The following IL13 variants were observed in gnomAD, a reference collection of about 807,000 sequenced individuals.
IL13 encodes interleukin-13.
In IL13, 9 loss-of-function variants were observed where a neutral mutation model predicts 11.1. That is an observed-to-expected ratio of 0.81 (90% confidence interval 0.49 to 1.42). The LOEUF is 1.42. IL13 is among the 40% of genes most tolerant of loss of function. The pLI is 0.00. For missense variants in IL13, 181 were observed against 182.5 expected (o/e 0.99, Z 0.05); for synonymous variants, 75 against 76.9 (o/e 0.97, Z 0.13).
chr5:132,658,302 C>A lies in IL13; in HGVS notation c.116C>A (p.Pro39His), dbSNP rs866145689. Residue 39 changes from proline to histidine, a missense_variant, in exon 1 of 4, where the codon CCC (proline) becomes CAC (histidine). By Grantham distance (77) the Pro-to-His change is moderately conservative. Transcript: ENST00000304506. ...TTTGCCTCCCCAGGCCCTGTGCCTC[C>A]CTCTACAGCCCTCAGGGAGCTCATT... ...GGFASPGPVP[P>H]STALRELIEE... The A allele has an allele frequency of 6.2e-7, 1 of 1,610,716 alleles. No individual in the cohort carries two copies. The highest frequency in any genetic ancestry group is 1.3e-5 in the African/African-American group (1 of 74,854).
At chr5:132,658,135 T>G, upstream of IL13, 1 of 1,069,562 alleles carries the variant, frequency 9.3e-7, no homozygotes, top group Non-Finnish European at 1.4e-6. Context: ...GCGTCACCAC[T>G]TGGGCCTATA....
intron 1 of IL13, chr5:132,658,896 G>A (rs777254230): frequency 2.5e-4 from 43 of 172,538 alleles, no homozygotes; most frequent in Middle Eastern, 3.0e-3. Flanking sequence ...AGGCAGGTAC[G>A]ATGAACCCAT....
rs192565440 is a variant in IL13, at chr5:132,659,121, C to G, written c.175-297C>G. ...CACTCGTCCCCACCCTGGCCCTTCC[C>G]GCAGGCCCCTGTCCTCCTGCCCTGA... On this transcript the variant is annotated intron_variant, in intron 1 of 3. Coordinates refer to ENST00000304506, the MANE Select transcript of IL13 (RefSeq NM_002188.3). This position sits in a 1 kb window ranked among gnomAD's most constrained non-coding sequence, Gnocchi z 4.1. 1 of 401,642 alleles carries G rather than the reference C, an allele frequency of 2.5e-6. No homozygotes were observed. Among genetic ancestry groups the G allele is most frequent in the Non-Finnish European group, 4.7e-6 (1 of 212,578 alleles). The allele number at this position is 401,642 out of a possible 1,614,324, so 24.9% of individuals were successfully genotyped here.
rs765294353 is a variant in IL13, at chr5:132,660,160, C to T, written c.334-15C>T. On this transcript the variant is annotated splice_polypyrimidine_tract_variant and intron_variant, in intron 3 of 3. Transcript: ENST00000304506. ...TCTGGCGTTCTACTCATGTGCTGAC[C>T]TCTTTGTCCTGCAGCAGTTTTCCAG... 20 of 1,613,146 alleles carry T rather than the reference C, an allele frequency of 1.2e-5. No individual in the cohort carries two copies. In the South Asian group the frequency reaches 2.2e-4, roughly 18 times the overall value.
Position 132,659,713 on chromosome 5 carries a change from C to T in IL13, c.229-11C>T. ...AGCAGGGCCTGACCCCTCGGTGTCC[C>T]CTCCCCACAGTACTGTGCAGCCCTG... On this transcript the variant is annotated splice_polypyrimidine_tract_variant and intron_variant, in intron 2 of 3. Transcript: ENST00000304506. This position sits in a 1 kb window ranked among gnomAD's most constrained non-coding sequence, Gnocchi z 4.1. The T allele has an allele frequency of 1.7e-5, 27 of 1,613,210 alleles. No individual in the cohort carries two copies. Among genetic ancestry groups the T allele is most frequent in the Non-Finnish European group, 2.3e-5 (27 of 1,179,566 alleles).
At position 132,659,450 on chromosome 5, in the gene IL13, C is replaced by G. The variant is rs1752105152; in HGVS notation, c.207C>G (p.Ser69Arg). Residue 69 changes from serine (S) to arginine (R), a missense_variant, in exon 2 of 4, where the codon AGC becomes AGG. By Grantham distance (110) the Ser-to-Arg change is moderately radical. Transcript: ENST00000304506. The surrounding 1 kb of genome is among the most constrained non-coding windows in gnomAD (Gnocchi z 4.1). ...TCTGCAATGGCAGCATGGTATGGAG[C>G]ATCAACCTGACAGCTGGCATGGTAA... The part of the protein sequence containing the change: ...APLCNGSMVW[S>R]INLTAGMYCA... 6.2e-7 allele frequency: 1 copy of G among 1,611,828 alleles called. No individual in the cohort carries two copies. The highest frequency in any genetic ancestry group is 1.1e-5 in the South Asian group (1 of 90,564).
upstream of IL13, among the ~76,000 whole-genome samples, chr5:132,657,780 A>C (rs1196414711): frequency 6.6e-6 from 1 of 152,260 alleles, no homozygotes; most frequent in African/African-American, 2.4e-5. Context: ...TCACAGCCAC[A>C]GTGCACTAAG....
upstream of IL13, among the ~76,000 whole-genome samples, chr5:132,657,484 C>T (rs149852100): frequency 1.3e-5 from 2 of 152,056 alleles, no homozygotes; most frequent in East Asian, 3.9e-4. Context: ...AGTGAGACCC[C>T]ATCTCCAAAA....
Position 132,658,308 on chromosome 5 carries a change from C to A in IL13, c.122C>A (p.Thr41Lys). The change falls in exon 1 of 4, where the codon ACA (threonine) becomes AAA (lysine). Residue 41 changes from threonine to lysine, a missense_variant. Coordinates refer to ENST00000304506, the MANE Select transcript of IL13 (RefSeq NM_002188.3). The part of the protein sequence containing the change: ...FASPGPVPPS[T>K]ALRELIEELV... ...TCCCCAGGCCCTGTGCCTCCCTCTA[C>A]AGCCCTCAGGGAGCTCATTGAGGAG... The A allele has an allele frequency of 1.9e-6, 3 of 1,611,058 alleles. No individual in the cohort carries two copies. The highest frequency in any genetic ancestry group is 2.5e-6 in the Non-Finnish European group (3 of 1,177,204).
In IL13 at chr5:132,658,239, T is replaced by C; in HGVS notation, c.53T>C (p.Leu18Ser). The C allele has an allele frequency of 6.2e-7, 1 of 1,612,120 alleles. No homozygotes were observed. Among genetic ancestry groups the C allele is most frequent in the Non-Finnish European group, 8.5e-7 (1 of 1,178,178 alleles). Residue 18 changes from leucine to serine, a missense_variant, in exon 1 of 4, where the codon TTG (leucine) becomes TCG (serine). Physicochemically the swap from Leu to Ser is moderately radical, Grantham distance 145. Transcript: ENST00000304506. The part of the protein sequence containing the change: ...LLLALGLMAL[L>S]LTTVIALTCL... ...TTGGCACTGGGCCTCATGGCGCTTT[T>C]GTTGACCACGGTCATTGCTCTCACT...
In IL13 at chr5:132,659,129, CCT is replaced by C. The variant is rs1752096631; in HGVS notation, c.175-288_175-287del. 3 of 417,278 alleles carry C rather than the reference CCT, an allele frequency of 7.2e-6. No homozygotes were observed. In the South Asian group the frequency reaches 7.4e-5, roughly 10 times the overall value. 25.8% of individuals were successfully genotyped at this position (417,278 alleles called of 1,614,324 possible). A position where few individuals can be genotyped will look rare whatever the true frequency, so the allele number is the denominator to read the frequency against. ...CCCACCCTGGCCCTTCCCGCAGGCCCCTGTCCTCCTGCCCTGACTATGGCAAG... is the reference window on the plus strand; with the variant it reads ...CCCACCCTGGCCCTTCCCGCAGGCCCGTCCTCCTGCCCTGACTATGGCAAG... On this transcript the variant is annotated intron_variant, in intron 1 of 3. Coordinates refer to ENST00000304506, the MANE Select transcript of IL13 (RefSeq NM_002188.3). The surrounding 1 kb of genome is among the most constrained non-coding windows in gnomAD (Gnocchi z 4.1).
At chr5:132,658,526 G>A (rs1277673912) in intron 1 of IL13, 166 bp downstream of exon 1, 1 of 570,228 alleles carries the variant, frequency 1.8e-6, no homozygotes, top group South Asian at 2.3e-5. Flanking sequence ...GAGCTGGGCT[G>A]GGGGGCTCAG....
rs778748365 is a variant in IL13 at position 132,659,681 on chromosome 5, C to T, written c.229-43C>T. 24 of 1,604,856 alleles carry T rather than the reference C, an allele frequency of 1.5e-5. No homozygotes were observed. The Admixed American group carries it at 2.7e-4, about 18-fold the overall frequency. Reference sequence around the variant, plus strand: ...CTTCCTGCAGACTCACAAAAGGCAGCTGCCCAAGCAGGGCCTGACCCCTCG... The same window carrying T: ...CTTCCTGCAGACTCACAAAAGGCAGTTGCCCAAGCAGGGCCTGACCCCTCG... On this transcript the variant is annotated intron_variant, in intron 2 of 3. Coordinates refer to ENST00000304506, the MANE Select transcript of IL13 (RefSeq NM_002188.3). This position sits in a 1 kb window ranked among gnomAD's most constrained non-coding sequence, Gnocchi z 4.1.
In IL13 at chr5:132,659,557, G is replaced by A; in HGVS notation, c.228+86G>A. On this transcript the variant is annotated intron_variant, in intron 2 of 3. Transcript: ENST00000304506. The surrounding 1 kb of genome is among the most constrained non-coding windows in gnomAD (Gnocchi z 4.1). Reference sequence around the variant, plus strand: ...TCTGAGCCTCCCTTCCATGGCTGGGGTTCCAAGCAAGCTTCAAGTGCTCTC... The same window carrying A: ...TCTGAGCCTCCCTTCCATGGCTGGGATTCCAAGCAAGCTTCAAGTGCTCTC... 6.4e-7 allele frequency: 1 copy of A among 1,559,472 alleles called. No homozygotes were observed. Among genetic ancestry groups the A allele is most frequent in the South Asian group, 1.1e-5 (1 of 87,226 alleles).
chr5:132,659,913 C>T lies in IL13; in HGVS notation c.333+85C>T. ...CGCTGAAGGGAAGCTGGCTGAATAT[C>T]CATGGTGTGTGTCCACCCAGGGGTG... On this transcript the variant is annotated intron_variant, in intron 3 of 3. Coordinates refer to ENST00000304506, the MANE Select transcript of IL13 (RefSeq NM_002188.3). The surrounding 1 kb of genome is among the most constrained non-coding windows in gnomAD (Gnocchi z 4.1). 1 of 1,548,636 alleles carries T rather than the reference C, an allele frequency of 6.5e-7. No individual in the cohort carries two copies. Among genetic ancestry groups the T allele is most frequent in the Non-Finnish European group, 8.7e-7 (1 of 1,147,952 alleles).
intron 1 of IL13, 136 bp downstream of exon 1, chr5:132,658,496 C>T: frequency 1.7e-6 from 1 of 586,100 alleles, no homozygotes. Flanking sequence ...CAAGGCCCGG[C>T]CCAGCCATGA....
At position 132,659,767 on chromosome 5, in the gene IL13, G is replaced by A; in HGVS notation, c.272G>A (p.Ser91Asn). The change falls in exon 3 of 4, where the codon AGT becomes AAT. Residue 91 changes from serine to asparagine, a missense_variant. By Grantham distance (46) the Ser-to-Asn change is conservative. Coordinates refer to ENST00000304506, the MANE Select transcript of IL13 (RefSeq NM_002188.3). The surrounding 1 kb of genome is among the most constrained non-coding windows in gnomAD (Gnocchi z 4.1). ...TCCCTGATCAACGTGTCAGGCTGCAGTGCCATCGAGAAGACCCAGAGGATG... is the reference window on the plus strand; with the variant it reads ...TCCCTGATCAACGTGTCAGGCTGCAATGCCATCGAGAAGACCCAGAGGATG... ...LESLINVSGC[S>N]AIEKTQRMLS... 6.2e-7 allele frequency: 1 copy of A among 1,613,998 alleles called. No individual in the cohort carries two copies. Among genetic ancestry groups the A allele is most frequent in the South Asian group, 1.1e-5 (1 of 91,068 alleles).
upstream of IL13, among the ~76,000 whole-genome samples, chr5:132,657,860 C>A (rs1198359540): frequency 6.6e-6 from 1 of 152,126 alleles, no homozygotes; most frequent in Non-Finnish European, 1.5e-5. Context: ...GGTCAGCTGT[C>A]CAGGTACTCA....
At chr5:132,657,760 T>C (rs2069756), upstream of IL13, among the ~76,000 whole-genome samples, 70 of 152,362 alleles carry the variant, frequency 4.6e-4, no homozygotes, top group Non-Finnish European at 8.5e-4. Flanking sequence ...CCATAGCTGG[T>C]AGACTGTGGT....
Sources: gnomAD v4.1 joint callset for allele counts (sites outside exome capture counted in the v4.1 genomes callset) on GRCh38, gnomAD v4.1.1 for gene constraint, Gnocchi (gnomAD v3.1) non-coding constraint, MANE v1.5 for transcripts, NCBI Gene and HGNC (gene_info 2026-07-23, HGNC 2026-07-21) for gene names.